Variants in LAPTM5 observed in about 807,000 individuals in gnomAD.
LAPTM5 encodes the protein lysosomal protein transmembrane 5.
LAPTM5 carries 11 observed loss-of-function variants against 30.1 expected under a neutral mutation model. The ratio of observed to expected loss-of-function variants is 0.37; its 90% CI spans 0.23 to 0.60. LAPTM5 has a LOEUF of 0.60. Among genes scored for constraint, LAPTM5 ranks in the 20% least tolerant of loss-of-function variants. LAPTM5 has a pLI of 0.71. For missense variants in LAPTM5, 324 were observed against 332.5 expected (o/e 0.97, Z 0.20); for synonymous variants, 151 against 137.9 (o/e 1.10, Z -0.67).
At chr1:30,751,003 C>A (rs960045463) in intron 1 of LAPTM5, among the ~76,000 whole-genome samples, 1 of 152,232 alleles carries the variant, frequency 6.6e-6, no homozygotes, top group African/African-American at 2.4e-5. Context: ...AACCAACGCT[C>A]GCCTCACAGT....
chr1:30,747,987 A>T (rs1369845956), intron 1 of LAPTM5, among the ~76,000 whole-genome samples: 1 of 152,042 alleles, frequency 6.6e-6, no homozygotes, highest in African/African-American at 2.4e-5. Flanking sequence ...TATCATGTGG[A>T]TGGTGGTGAT....
intron 1 of LAPTM5, among the ~76,000 whole-genome samples, chr1:30,747,372 C>A (rs74842333): frequency 0.023 from 3,451 of 152,182 alleles, 67 homozygotes; most frequent in Non-Finnish European, 0.035. Flanking sequence ...AGCGACCAGC[C>A]CAAGGTCACA....
At chr1:30,735,497 G>A (rs532243663) in intron 6 of LAPTM5, among the ~76,000 whole-genome samples, 227 of 152,258 alleles carry the variant, frequency 1.5e-3, no homozygotes, top group African/African-American at 5.1e-3. Context: ...GGATTTGGGG[G>A]GCTTCTAGCC....
At chr1:30,737,246 A>G (rs1639897861) in intron 6 of LAPTM5, among the ~76,000 whole-genome samples, 1 of 152,224 alleles carries the variant, frequency 6.6e-6, no homozygotes, top group African/African-American at 2.4e-5. Context: ...CAGGCAAAAC[A>G]AGACTCCTGC....
intron 6 of LAPTM5, among the ~76,000 whole-genome samples, chr1:30,735,489 AT>A (rs1351001264): frequency 6.6e-6 from 1 of 152,128 alleles, no homozygotes; most frequent in East Asian, 1.9e-4. Flanking sequence ...TAGCAAGGGG[AT>A]TTGGGGGGCT....
rs370272502 is a variant in LAPTM5, at chr1:30,739,019, A to C, written c.431T>G (p.Phe144Cys). ...FPLMTLQLLD[F>C]CLSILTLCSS... The stretch of plus-strand genomic sequence containing the variant: ...GCAGAGGGTCAGGATGCTCAGGCAG[A>C]AGTCCAGCAGCTGCAGCGTCATCAG... Residue 144 changes from phenylalanine to cysteine, a missense_variant, in exon 5 of 8, where the codon TTC (phenylalanine) becomes TGC (cysteine). By Grantham distance (205) the Phe-to-Cys change is radical. Coordinates refer to ENST00000294507, the MANE Select transcript of LAPTM5 (RefSeq NM_006762.3). The surrounding 1 kb of genome is among the most constrained non-coding windows in gnomAD (Gnocchi z 4.2). 1.2e-6 allele frequency: 2 copies of C among 1,606,764 alleles called. No homozygotes were observed. Among genetic ancestry groups the C allele is most frequent in the African/African-American group, 2.7e-5 (2 of 74,878 alleles).
chr1:30,753,342 T>C (rs967513582), intron 1 of LAPTM5, among the ~76,000 whole-genome samples: 1 of 152,174 alleles, frequency 6.6e-6, no homozygotes, highest in Non-Finnish European at 1.5e-5. Flanking sequence ...GCATAGTGAC[T>C]TCCTTCTAAA....
chr1:30,734,951 T>C (rs1639865423), intron 7 of LAPTM5, among the ~76,000 whole-genome samples: 1 of 152,134 alleles, frequency 6.6e-6, no homozygotes, highest in Non-Finnish European at 1.5e-5. Context: ...CCTCCTGGAA[T>C]CGATATGAGA....
At chr1:30,741,423 C>T (rs1035754686) in intron 3 of LAPTM5, among the ~76,000 whole-genome samples, 21 of 152,216 alleles carry the variant, frequency 1.4e-4, no homozygotes, top group Admixed American at 9.8e-4. Flanking sequence ...TGCCCGGCCC[C>T]GTGGAGGCTC....
At position 30,746,550 on chromosome 1, in the gene LAPTM5, G is replaced by A. The variant is rs964099394; in HGVS notation, c.88-4001C>T. On this transcript the variant is annotated intron_variant, in intron 1 of 7. Transcript: ENST00000294507. This position sits in a 1 kb window ranked among gnomAD's most constrained non-coding sequence, Gnocchi z 4.0. Reference sequence around the variant, plus strand: ...GAGCCCAGCTGGGCTGTGACCTTGGGACCCGAGCCATCCCATGACAGGTAC... The same window carrying A: ...GAGCCCAGCTGGGCTGTGACCTTGGAACCCGAGCCATCCCATGACAGGTAC... 6.6e-6 allele frequency among the ~76,000 whole-genome samples: 1 copy of A among 152,170 alleles called. No individual in the cohort carries two copies. The highest frequency in any genetic ancestry group is 1.5e-5 in the Non-Finnish European group (1 of 68,030).
chr1:30,748,355 C>T (rs760137927), intron 1 of LAPTM5, among the ~76,000 whole-genome samples: 3 of 152,148 alleles, frequency 2.0e-5, no homozygotes, highest in Non-Finnish European at 4.4e-5. Flanking sequence ...TGCCAGAGCC[C>T]TCCCTTGCCC....
chr1:30,747,553 C>T (rs1394825831), intron 1 of LAPTM5, among the ~76,000 whole-genome samples: 1 of 152,178 alleles, frequency 6.6e-6, no homozygotes, highest in Non-Finnish European at 1.5e-5. Flanking sequence ...CGTCTGCACG[C>T]AGCCTTTCTT....
intron 1 of LAPTM5, among the ~76,000 whole-genome samples, chr1:30,756,616 A>G (rs1296124810): frequency 1.3e-5 from 2 of 152,198 alleles, no homozygotes. Flanking sequence ...TGGGCTAACC[A>G]CTGAACAGCA....
At chr1:30,742,626 T>A in intron 1 of LAPTM5, 77 bp from the exon 2 acceptor site, 2 of 1,193,626 alleles carry the variant, frequency 1.7e-6, no homozygotes, top group Non-Finnish European at 2.4e-6. Context: ...CTTAGTGGTG[T>A]ACAGCAGGGA....
intron 1 of LAPTM5, among the ~76,000 whole-genome samples, chr1:30,751,466 C>T (rs1053291754): frequency 6.6e-6 from 1 of 152,256 alleles, no homozygotes; most frequent in African/African-American, 2.4e-5. Context: ...GGGCCAGGCA[C>T]TATGGCCCAC....
At position 30,733,824 on chromosome 1, in the gene LAPTM5, A is replaced by G. The variant is rs751735631; in HGVS notation, c.*4T>C. ...CCAGCACTGGGGCTGGGGCCTGGCG[A>G]GGGTCACACCTCTGAGTATGGGGGT... On this transcript the variant is annotated 3_prime_UTR_variant, in exon 8 of 8. Coordinates refer to ENST00000294507, the MANE Select transcript of LAPTM5 (RefSeq NM_006762.3). The G allele has an allele frequency of 2.2e-5, 36 of 1,601,880 alleles. No homozygotes were observed. The Middle Eastern group carries it at 2.8e-3, about 126-fold the overall frequency.
Position 30,739,301 on chromosome 1 carries a change from C to T in LAPTM5, c.388-239G>A. 2.2e-6 allele frequency: 1 copy of T among 445,846 alleles called. No individual in the cohort carries two copies. The highest frequency in any genetic ancestry group is 2.5e-5 in the South Asian group (1 of 40,794). The allele number at this position is 445,846 out of a possible 1,614,324, so 27.6% of individuals were successfully genotyped here. A position where few individuals can be genotyped will look rare whatever the true frequency, so the allele number is the denominator to read the frequency against. On this transcript the variant is annotated intron_variant, in intron 4 of 7. Coordinates refer to ENST00000294507, the MANE Select transcript of LAPTM5 (RefSeq NM_006762.3). This position sits in a 1 kb window ranked among gnomAD's most constrained non-coding sequence, Gnocchi z 4.2. ...GGGCCAGGGCCCTTCCATGATGTAG[C>T]CCCCCGGTCTCTTCAAGGACAACAG...
chr1:30,739,780 C>T lies in LAPTM5; in HGVS notation c.387+29G>A. The T allele has an allele frequency of 4.5e-6, 7 of 1,570,208 alleles. No individual in the cohort carries two copies. The highest frequency in any genetic ancestry group is 6.1e-6 in the Non-Finnish European group (7 of 1,156,516). Reference sequence around the variant, plus strand: ...CCATGCCAGACCTGGGCTCTGCTGTCCGGTGAGAGGTGGGGGCTGGGTACT... The same window carrying T: ...CCATGCCAGACCTGGGCTCTGCTGTTCGGTGAGAGGTGGGGGCTGGGTACT... On this transcript the variant is annotated intron_variant, in intron 4 of 7. Coordinates refer to ENST00000294507, the MANE Select transcript of LAPTM5 (RefSeq NM_006762.3). The surrounding 1 kb of genome is among the most constrained non-coding windows in gnomAD (Gnocchi z 4.2).
At chr1:30,756,024 A>G (rs1336476788) in intron 1 of LAPTM5, among the ~76,000 whole-genome samples, 1 of 152,230 alleles carries the variant, frequency 6.6e-6, no homozygotes, top group Non-Finnish European at 1.5e-5. Context: ...TGAGCCAGTC[A>G]ACATCACCTT....
Sources: allele counts gnomAD v4.1 joint callset (sites outside exome capture counted in the v4.1 genomes callset), GRCh38; gene constraint gnomAD v4.1.1; non-coding constraint Gnocchi (gnomAD v3.1); transcripts MANE v1.5; gene names NCBI Gene and HGNC (gene_info 2026-07-23, HGNC 2026-07-21).